Variants in SIPA1L2 observed in about 807,000 individuals in gnomAD.
SIPA1L2 encodes signal-induced proliferation-associated 1-like protein 2.
SIPA1L2 carries 56 observed loss-of-function variants against 163.9 expected under a neutral mutation model. That is an observed-to-expected ratio of 0.34 (90% confidence interval 0.28 to 0.43). The LOEUF is 0.43. SIPA1L2 is among the 20% of genes least tolerant of loss of function. SIPA1L2 has a pLI of 1.00. For synonymous variants in SIPA1L2, 877 were observed against 865.7 expected (o/e 1.01, Z -0.23); for missense variants, 1,974 against 2,193.5 (o/e 0.90, Z 2.00).
chr1:232,497,240 G>T (rs1312711445), intron 3 of SIPA1L2, among the ~76,000 whole-genome samples: 2 of 152,148 alleles, frequency 1.3e-5, no homozygotes, highest in African/African-American at 4.8e-5. Context: ...ACTGATTGTG[G>T]CAATGGTAAC....
intron 1 of SIPA1L2, among the ~76,000 whole-genome samples, chr1:232,609,445 A>T (rs1396797573): frequency 6.6e-6 from 1 of 152,196 alleles, no homozygotes; most frequent in African/African-American, 2.4e-5. Context: ...TATGCATATT[A>T]TTAAAACAAA....
chr1:232,481,483 C>T (rs1665355580), intron 6 of SIPA1L2, among the ~76,000 whole-genome samples: 2 of 152,056 alleles, frequency 1.3e-5, no homozygotes. Flanking sequence ...GGGAAAAGTA[C>T]TTCTTAAAAT....
chr1:232,618,647 C>A (rs543440981), intron 1 of SIPA1L2, among the ~76,000 whole-genome samples: 1 of 125,488 alleles, frequency 8.0e-6, no homozygotes, highest in East Asian at 2.2e-4. Context: ...GAGTGAGACT[C>A]CATCTCAAAA....
rs1663707433 is a variant in SIPA1L2 at position 232,453,475 on chromosome 1, GT to G, written c.3095+7411del. ...TGGCTGCATCACAGAGAATCTTTAA[GT>G]GAACCCAATAATCTAAGGAAAAGCC... On this transcript the variant is annotated intron_variant, in intron 10 of 22. Transcript: ENST00000674635. 3.9e-5 allele frequency among the ~76,000 whole-genome samples: 6 copies of G among 152,304 alleles called. No homozygotes were observed. The South Asian group carries it at 1.2e-3, about 32-fold the overall frequency.
chr1:232,597,546 C>A (rs533465866), intron 1 of SIPA1L2, among the ~76,000 whole-genome samples: 33 of 150,868 alleles, frequency 2.2e-4, no homozygotes, highest in African/African-American at 6.1e-4. Context: ...AAAAATTAGC[C>A]GGGCGTGATG....
Position 232,449,938 on chromosome 1 carries a change from C to T in SIPA1L2, c.3096-4152G>A, listed in dbSNP as rs575133313. ...GAAAGTGATTTCTAACTTGTCAAAT[C>T]CATAGTACTTGGAGCTTGGGACAGA... On this transcript the variant is annotated intron_variant, in intron 10 of 22. Coordinates refer to ENST00000674635, the MANE Select transcript of SIPA1L2 (RefSeq NM_020808.5). Among the ~76,000 whole-genome samples, 111 of 152,252 alleles carry T rather than the reference C, an allele frequency of 7.3e-4. 1 individual carries two copies. The Middle Eastern group carries it at 0.01, about 14-fold the overall frequency.
chr1:232,540,032 G>A (rs1048058128), intron 2 of SIPA1L2, among the ~76,000 whole-genome samples: 4 of 152,122 alleles, frequency 2.6e-5, no homozygotes, highest in Admixed American at 6.5e-5. Context: ...GGCCGGGCAC[G>A]GTGGCTCACA....
chr1:232,405,069 G>A (rs1416117947), intron 19 of SIPA1L2, among the ~76,000 whole-genome samples: 1 of 152,192 alleles, frequency 6.6e-6, no homozygotes, highest in Non-Finnish European at 1.5e-5. Flanking sequence ...CTACCTGCTT[G>A]TTTGCTTTAT....
At chr1:232,563,956 C>CCGTGT (rs1659199012) in intron 2 of SIPA1L2, among the ~76,000 whole-genome samples, 1 of 72,212 alleles carries the variant, frequency 1.4e-5, no homozygotes, top group African/African-American at 7.8e-5. Flanking sequence ...TTTTTTTTTT[C>CCGTGT]GTGTGTGTGT....
Position 232,515,119 on chromosome 1 carries a change from A to G in SIPA1L2, c.221T>C (p.Met74Thr). The G allele has an allele frequency of 6.2e-7, 1 of 1,613,920 alleles. No homozygotes were observed. ...TTCAGACACCCTTGCTCTCACACCC[A>G]TCTTGGGCACAGCTGGGGTACCATT... ...PANGTPAVPK[M>T]GVRARVSEWP... The change falls in exon 3 of 23, where the codon ATG becomes ACG. Residue 74 changes from methionine (M) to threonine (T), a missense_variant. Physicochemically the swap from Met to Thr is moderately conservative, Grantham distance 81. Around this residue, in one of 3 missense-constraint regions of SIPA1L2, gnomAD observed 607 missense variants for 624.0 expected, o/e 0.97. Coordinates refer to ENST00000674635, the MANE Select transcript of SIPA1L2 (RefSeq NM_020808.5).
intron 17 of SIPA1L2, among the ~76,000 whole-genome samples, chr1:232,427,929 C>G (rs1661997353): frequency 6.6e-6 from 1 of 152,154 alleles, no homozygotes; most frequent in Non-Finnish European, 1.5e-5. Context: ...GGAGCAGAGG[C>G]TAGAGCTCTG....
At chr1:232,400,472 G>A (rs887167137) in intron 22 of SIPA1L2, among the ~76,000 whole-genome samples, 2 of 152,100 alleles carry the variant, frequency 1.3e-5, no homozygotes, top group Non-Finnish European at 2.9e-5. Context: ...CGAGGAGACC[G>A]TCCCCAGCAG....
Position 232,479,628 on chromosome 1 carries a change from T to A in SIPA1L2, c.2084A>T (p.Gln695Leu). 1 of 1,612,762 alleles carries A rather than the reference T, an allele frequency of 6.2e-7. No individual in the cohort carries two copies. Among genetic ancestry groups the A allele is most frequent in the Non-Finnish European group, 8.5e-7 (1 of 1,178,934 alleles). ...LLPYMPNNRQ[Q>L]LLRKRHIGND... Reference sequence around the variant, plus strand: ...AGCTCCAGGCTGGGGAGGACATACCTGTTGTCTGTTGTTGGGCATGTAGGG... The same window carrying A: ...AGCTCCAGGCTGGGGAGGACATACCAGTTGTCTGTTGTTGGGCATGTAGGG... The change falls in exon 7 of 23, where the codon CAG becomes CTG. Residue 695 changes from glutamine to leucine, a missense_variant and splice_region_variant. Physicochemically the swap from Gln to Leu is moderately radical, Grantham distance 113. Transcript: ENST00000674635.
At chr1:232,621,094 A>G (rs1662785839) in intron 1 of SIPA1L2, among the ~76,000 whole-genome samples, 1 of 152,142 alleles carries the variant, frequency 6.6e-6, no homozygotes, top group Non-Finnish European at 1.5e-5. Flanking sequence ...ACTCGGGCTA[A>G]AAAAAATGTT....
chr1:232,403,918 C>T (rs4649368), intron 20 of SIPA1L2, among the ~76,000 whole-genome samples: 22,800 of 152,178 alleles, frequency 0.15, 2,005 homozygotes, highest in Non-Finnish European at 0.2. Context: ...GATAATGACT[C>T]GACTGACAGA....
chr1:232,465,278 T>C lies in SIPA1L2; in HGVS notation c.2382A>G (p.Ser794=), dbSNP rs1572939503. 1.2e-6 allele frequency: 2 copies of C among 1,614,210 alleles called. No homozygotes were observed. Among genetic ancestry groups the C allele is most frequent in the Non-Finnish European group, 8.5e-7 (1 of 1,180,032 alleles). The change falls in exon 9 of 23, where the codon TCA becomes TCG. Residue 794 remains serine, a synonymous_variant. Coordinates refer to ENST00000674635, the MANE Select transcript of SIPA1L2 (RefSeq NM_020808.5). The surrounding 1 kb of genome is among the most constrained non-coding windows in gnomAD (Gnocchi z 4.1). ...VINAENAAHK[S]EKFRAMATRT... ...GAGTGGCCATTGCTCGAAACTTTTC[T>C]GATTTATGGGCTGCATTTTCTGCAT...
chr1:232,569,981 G>A (rs1388111820), intron 2 of SIPA1L2, among the ~76,000 whole-genome samples: 4 of 152,138 alleles, frequency 2.6e-5, no homozygotes, highest in African/African-American at 7.2e-5. Context: ...GGTGAAAGGC[G>A]GAAGGTAAAG....
At chr1:232,435,590 G>A (rs537880610) in intron 15 of SIPA1L2, among the ~76,000 whole-genome samples, 1 of 152,310 alleles carries the variant, frequency 6.6e-6, no homozygotes, top group South Asian at 2.1e-4. Context: ...ACAGCCCAAC[G>A]TCGTGTGTGC....
chr1:232,504,525 G>A (rs541800600), intron 3 of SIPA1L2, among the ~76,000 whole-genome samples: 11 of 151,782 alleles, frequency 7.2e-5, no homozygotes, highest in Admixed American at 1.3e-4. Context: ...GCAACAGAGC[G>A]AGACTCCATC....
Sources: allele counts gnomAD v4.1 joint callset (sites outside exome capture counted in the v4.1 genomes callset), GRCh38; gene constraint gnomAD v4.1.1; regional missense constraint gnomAD v4.1.1; non-coding constraint Gnocchi (gnomAD v3.1); transcripts MANE v1.5; gene names NCBI Gene and HGNC (gene_info 2026-07-23, HGNC 2026-07-21).